The following CCSER1 variants were observed in gnomAD, a reference collection of about 807,000 sequenced individuals.
The protein encoded by CCSER1 is serine-rich coiled-coil domain-containing protein 1.
Under a neutral mutation model 82.0 loss-of-function variants are expected in CCSER1, and 41 were observed. That is an observed-to-expected ratio of 0.50 (90% CI 0.39 to 0.65). CCSER1 has a LOEUF of 0.65. CCSER1 is among the 30% of genes least tolerant of loss of function. The pLI is 0.00. For synonymous variants in CCSER1, 414 were observed against 383.9 expected (o/e 1.08, Z -0.92); for missense variants, 1,119 against 1,064.2 (o/e 1.05, Z -0.72).
intron 5 of CCSER1, among the ~76,000 whole-genome samples, chr4:90,582,877 T>C (rs1232848305): frequency 6.6e-6 from 1 of 152,204 alleles, no homozygotes; most frequent in Non-Finnish European, 1.5e-5. Context: ...TTGTTTGGCC[T>C]ATGAAAAATT....
intron 5 of CCSER1, among the ~76,000 whole-genome samples, chr4:90,516,120 G>T (rs2153621045): frequency 6.6e-6 from 1 of 152,304 alleles, no homozygotes; most frequent in Admixed American, 6.5e-5. Flanking sequence ...TTTGGACTGT[G>T]TGGGTAGGCC....
intron 7 of CCSER1, among the ~76,000 whole-genome samples, chr4:90,752,433 A>G (rs1415827333): frequency 6.6e-6 from 1 of 152,148 alleles, no homozygotes; most frequent in Non-Finnish European, 1.5e-5. Flanking sequence ...TTTCTAGGTT[A>G]CTTCCAAGGG....
At chr4:90,659,057 T>A (rs560979832) in intron 6 of CCSER1, among the ~76,000 whole-genome samples, 1 of 150,042 alleles carries the variant, frequency 6.7e-6, no homozygotes, top group South Asian at 2.1e-4. Context: ...AAATTTGATT[T>A]TCACAACAAC....
intron 9 of CCSER1, among the ~76,000 whole-genome samples, chr4:90,947,421 C>G (rs1056271990): frequency 3.3e-5 from 5 of 152,066 alleles, no homozygotes; most frequent in African/African-American, 1.2e-4. Context: ...ATAAAGCTAT[C>G]TCAATTTTTA....
chr4:91,489,930 A>C (rs1758424474), intron 10 of CCSER1, among the ~76,000 whole-genome samples: 1 of 152,220 alleles, frequency 6.6e-6, no homozygotes, highest in South Asian at 2.1e-4. Context: ...AAAACTAGGC[A>C]AAAGATATGA....
chr4:90,926,232 CTATT>C (rs1729048640), intron 9 of CCSER1, among the ~76,000 whole-genome samples: 1 of 151,924 alleles, frequency 6.6e-6, no homozygotes, highest in Non-Finnish European at 1.5e-5. Flanking sequence ...ACACATGTAT[CTATT>C]TATAACTTGC....
At chr4:90,414,433 T>C (rs1755487577) in intron 4 of CCSER1, among the ~76,000 whole-genome samples, 1 of 152,098 alleles carries the variant, frequency 6.6e-6, no homozygotes. Flanking sequence ...TTCTATTTTC[T>C]TGTGGTAAAA....
intron 10 of CCSER1, among the ~76,000 whole-genome samples, chr4:91,097,018 C>A (rs1288161881): frequency 6.6e-6 from 1 of 152,188 alleles, no homozygotes; most frequent in Non-Finnish European, 1.5e-5. Context: ...AAAGACATGT[C>A]TTACCAAGTT....
In CCSER1 at chr4:90,483,653, A is replaced by G. The variant is rs1482774588; in HGVS notation, c.1724+15299A>G. 2.6e-5 allele frequency among the ~76,000 whole-genome samples: 4 copies of G among 152,196 alleles called. No individual in the cohort carries two copies. The East Asian group carries it at 7.7e-4, about 29-fold the overall frequency. ...ATGAAGCTTAGTTTGGCTGGATATGAAATTCTGAGTTGAAAATTCTTTTCT... is the reference window on the plus strand; with the variant it reads ...ATGAAGCTTAGTTTGGCTGGATATGGAATTCTGAGTTGAAAATTCTTTTCT... On this transcript the variant is annotated intron_variant, in intron 5 of 10. Coordinates refer to ENST00000509176, the MANE Select transcript of CCSER1 (RefSeq NM_001145065.2).
intron 10 of CCSER1, among the ~76,000 whole-genome samples, chr4:91,367,425 G>A (rs918292656): frequency 8.1e-6 from 1 of 124,048 alleles, no homozygotes; most frequent in African/African-American, 2.8e-5. Flanking sequence ...GGGCTTTCTT[G>A]ATTTCTTTCT....
At chr4:91,579,578 T>C (rs1242200801) in intron 10 of CCSER1, among the ~76,000 whole-genome samples, 1 of 151,770 alleles carries the variant, frequency 6.6e-6, no homozygotes, top group African/African-American at 2.4e-5. Context: ...ACAAAGTGGC[T>C]GATGGAAAGA....
At chr4:90,400,956 T>C (rs1451605554) in intron 4 of CCSER1, among the ~76,000 whole-genome samples, 1 of 152,184 alleles carries the variant, frequency 6.6e-6, no homozygotes, top group Non-Finnish European at 1.5e-5. Context: ...ATCAGTCTCT[T>C]ATATGGTAGT....
At chr4:91,366,235 G>A (rs972069260) in intron 10 of CCSER1, among the ~76,000 whole-genome samples, 1 of 152,132 alleles carries the variant, frequency 6.6e-6, no homozygotes, top group African/African-American at 2.4e-5. Flanking sequence ...TAGCCAGGCT[G>A]GTCTCGAACT....
chr4:91,257,290 G>T (rs1740765324), intron 10 of CCSER1, among the ~76,000 whole-genome samples: 1 of 151,954 alleles, frequency 6.6e-6, no homozygotes. Context: ...ACAAAGTAAA[G>T]TTCACAAGAT....
At chr4:91,444,591 A>T (rs755520867) in intron 10 of CCSER1, among the ~76,000 whole-genome samples, 5 of 151,846 alleles carry the variant, frequency 3.3e-5, no homozygotes, top group Non-Finnish European at 5.9e-5. Flanking sequence ...CTGGGATTAC[A>T]GGCGCCCACC....
At chr4:91,034,015 G>C (rs1015772629) in intron 9 of CCSER1, among the ~76,000 whole-genome samples, 1 of 152,100 alleles carries the variant, frequency 6.6e-6, no homozygotes, top group African/African-American at 2.4e-5. Context: ...CTTTGGAATT[G>C]GTTTTAAATA....
chr4:90,305,875 C>T (rs1734170722), intron 1 of CCSER1, among the ~76,000 whole-genome samples: 1 of 152,200 alleles, frequency 6.6e-6, no homozygotes, highest in Non-Finnish European at 1.5e-5. Context: ...GATATCTGTA[C>T]TCCTATGCTT....
chr4:91,285,750 A>G (rs1213409585), intron 10 of CCSER1, among the ~76,000 whole-genome samples: 4 of 151,884 alleles, frequency 2.6e-5, no homozygotes, highest in African/African-American at 9.7e-5. Flanking sequence ...CTTTTAGTCA[A>G]ATGCAAATTT....
At chr4:90,269,748 G>A (rs1272882542) in intron 1 of CCSER1, among the ~76,000 whole-genome samples, 2 of 151,636 alleles carry the variant, frequency 1.3e-5, no homozygotes, top group African/African-American at 4.8e-5. Context: ...AGTTGGTTTT[G>A]TAAAAAGATT....
Sources: allele counts gnomAD v4.1 joint callset (sites outside exome capture counted in the v4.1 genomes callset), GRCh38; gene constraint gnomAD v4.1.1; transcripts MANE v1.5; gene names NCBI Gene and HGNC (gene_info 2026-07-23, HGNC 2026-07-21).